ROBO1: variants seen among roughly 807,000 people sequenced by gnomAD.
ROBO1 encodes roundabout guidance receptor 1.
Under a neutral mutation model 195.9 loss-of-function variants are expected in ROBO1, and 149 were observed. That is an observed-to-expected ratio of 0.76 (90% CI 0.67 to 0.87). ROBO1 has a LOEUF of 0.87. ROBO1 is among the 40% of genes least tolerant of loss of function. The pLI is 0.00. For missense variants in ROBO1, 1,933 were observed against 2,068.3 expected (o/e 0.93, Z 1.27); for synonymous variants, 816 against 733.2 (o/e 1.11, Z -1.82).
At chr3:78,671,493 A>T (rs1651287241) in intron 10 of ROBO1, among the ~76,000 whole-genome samples, 1 of 152,072 alleles carries the variant, frequency 6.6e-6, no homozygotes, top group Non-Finnish European at 1.5e-5. Flanking sequence ...TGGATCTGTC[A>T]TGTTCCAAGC....
intron 5 of ROBO1, among the ~76,000 whole-genome samples, chr3:78,734,772 T>G (rs1250451903): frequency 6.6e-6 from 1 of 152,202 alleles, no homozygotes; most frequent in Non-Finnish European, 1.5e-5. Flanking sequence ...TAGATGAAAC[T>G]TGAAAATATA....
intron 2 of ROBO1, among the ~76,000 whole-genome samples, chr3:79,550,231 G>GAAAAGAAAAGAA (rs1559984648): frequency 1.5e-4 from 22 of 147,174 alleles, no homozygotes; most frequent in African/African-American, 5.5e-4. Flanking sequence ...GAAAAGAAAA[G>GAAAAGAAAAGAA]AAAAGAAAAG....
chr3:79,125,251 C>T (rs2080193001), intron 3 of ROBO1, among the ~76,000 whole-genome samples: 2 of 152,126 alleles, frequency 1.3e-5, no homozygotes, highest in South Asian at 4.1e-4. Context: ...AGAATGATTA[C>T]AGTTTCCATG....
intron 2 of ROBO1, among the ~76,000 whole-genome samples, chr3:79,252,413 T>C (rs1182893052): frequency 6.6e-6 from 1 of 152,128 alleles, no homozygotes; most frequent in African/African-American, 2.4e-5. Flanking sequence ...GGACTTAAGC[T>C]GTCACGAACT....
intron 14 of ROBO1, among the ~76,000 whole-genome samples, chr3:78,666,316 A>G (rs148563861): frequency 1.6e-3 from 239 of 152,344 alleles, no homozygotes; most frequent in Non-Finnish European, 2.8e-3. Context: ...ATGCAAAGGC[A>G]AATTGACAGA....
intron 4 of ROBO1, chr3:78,938,172 C>T (rs940640295): frequency 3.7e-5 from 6 of 163,536 alleles, no homozygotes; most frequent in Non-Finnish European, 6.7e-5. Context: ...ACCGTACTGA[C>T]ACCAAACTTA....
chr3:79,048,891 A>T (rs77285812), intron 3 of ROBO1, among the ~76,000 whole-genome samples: 1 of 152,156 alleles, frequency 6.6e-6, no homozygotes, highest in African/African-American at 2.4e-5. Flanking sequence ...CCCCATCTGT[A>T]GGTCACCAAC....
chr3:78,848,952 G>T (rs562553143), intron 4 of ROBO1, among the ~76,000 whole-genome samples: 8 of 152,204 alleles, frequency 5.3e-5, no homozygotes, highest in African/African-American at 1.9e-4. Context: ...AGTAATGGTG[G>T]TGGAAAATCA....
At position 79,015,391 on chromosome 3, in the gene ROBO1, A is replaced by G. The variant is rs543187482; in HGVS notation, c.173-76464T>C. ...AAACCCTCCCCCACGCCCCCCCCCA[A>G]AAAAACAAGAAAAAGAAAGTACCAG... On this transcript the variant is annotated intron_variant, in intron 3 of 30. Transcript: ENST00000464233. 2.5e-4 allele frequency among the ~76,000 whole-genome samples: 35 copies of G among 139,458 alleles called. 2 individuals are homozygous for G. The South Asian group carries it at 8.1e-3, about 32-fold the overall frequency. 91.5% of individuals were successfully genotyped at this position (139,458 alleles called of 152,430 possible).
intron 26 of ROBO1, among the ~76,000 whole-genome samples, chr3:78,619,470 C>A (rs916476524): frequency 6.6e-6 from 1 of 151,498 alleles, no homozygotes; most frequent in Non-Finnish European, 1.5e-5. Flanking sequence ...CCTTTAGCAC[C>A]CTTATGATAC....
chr3:79,641,228 C>T (rs1159157257), intron 1 of ROBO1, among the ~76,000 whole-genome samples: 3 of 151,944 alleles, frequency 2.0e-5, no homozygotes, highest in Admixed American at 2.0e-4. Flanking sequence ...GCTCAGAATG[C>T]CCTTTTCATT....
chr3:78,834,723 C>A (rs1240133732), intron 4 of ROBO1, among the ~76,000 whole-genome samples: 1 of 152,038 alleles, frequency 6.6e-6, no homozygotes, highest in African/African-American at 2.4e-5. Flanking sequence ...ACTGTCTAAC[C>A]AAGCTGACCT....
chr3:79,762,497 C>A (rs980850375), intron 1 of ROBO1, among the ~76,000 whole-genome samples: 6 of 130,738 alleles, frequency 4.6e-5, no homozygotes, highest in African/African-American at 1.6e-4. Context: ...AATACTTAAA[C>A]CTATTTTCTT....
intron 2 of ROBO1, among the ~76,000 whole-genome samples, chr3:79,568,395 A>G (rs1186955337): frequency 6.6e-6 from 1 of 151,948 alleles, no homozygotes; most frequent in Admixed American, 6.6e-5. Context: ...AGAAAATAAA[A>G]GGCTGGAGTT....
chr3:78,882,442 G>A (rs146555736), intron 4 of ROBO1, among the ~76,000 whole-genome samples: 92 of 152,138 alleles, frequency 6.0e-4, no homozygotes, highest in East Asian at 5.8e-3. Context: ...TTATGTTTCC[G>A]TTCTCATCTT....
chr3:79,227,067 A>G (rs1223302448), intron 2 of ROBO1, among the ~76,000 whole-genome samples: 1 of 152,174 alleles, frequency 6.6e-6, no homozygotes, highest in Admixed American at 6.5e-5. Flanking sequence ...TCCATACTCT[A>G]AAGTTATTTT....
chr3:79,562,243 A>G (rs1001395977), intron 2 of ROBO1, among the ~76,000 whole-genome samples: 28 of 81,516 alleles, frequency 3.4e-4, no homozygotes, highest in Admixed American at 7.1e-4. Context: ...TTTTCCTAAA[A>G]TCATGCCTAC....
chr3:79,597,056 T>C (rs1944196507), intron 1 of ROBO1, among the ~76,000 whole-genome samples: 2 of 152,114 alleles, frequency 1.3e-5, no homozygotes, highest in South Asian at 2.1e-4. Flanking sequence ...AATACATATG[T>C]CATACTGTTT....
At chr3:78,663,108 G>T (rs776804269) in intron 14 of ROBO1, among the ~76,000 whole-genome samples, 22 of 151,662 alleles carry the variant, frequency 1.5e-4, no homozygotes, top group Non-Finnish European at 2.8e-4. Context: ...ATTAAAATGA[G>T]AATTTTAGTT....
Sources: allele counts gnomAD v4.1 joint callset (sites outside exome capture counted in the v4.1 genomes callset), GRCh38; gene constraint gnomAD v4.1.1; transcripts MANE v1.5; gene names NCBI Gene and HGNC (gene_info 2026-07-23, HGNC 2026-07-21).